Variants in HABP2 observed in about 807,000 individuals in gnomAD.
The protein encoded by HABP2 is factor VII-activating protease.
HABP2 carries 65 observed loss-of-function variants against 66.5 expected under a neutral mutation model. The ratio of observed to expected loss-of-function variants is 0.98; its 90% CI spans 0.80 to 1.20. The LOEUF (loss-of-function observed/expected upper bound fraction) is 1.20, where lower values mean the gene tolerates loss of function less well. Ranked by LOEUF, HABP2 falls within the 50% of genes most tolerant of loss-of-function variation. The pLI is 0.00. For synonymous variants in HABP2, 263 were observed against 253.9 expected (o/e 1.04, Z -0.34); for missense variants, 786 against 691.0 (o/e 1.14, Z -1.54).
chr10:113,578,258 C>A, intron 6 of HABP2, 113 bp downstream of exon 6: 1 of 1,146,264 alleles, frequency 8.7e-7, no homozygotes, highest in Non-Finnish European at 1.3e-6. Context: ...TCGACTATTG[C>A]CTCAGCCTTC....
At chr10:113,563,028 T>C (rs893784854) in intron 1 of HABP2, among the ~76,000 whole-genome samples, 2 of 152,138 alleles carry the variant, frequency 1.3e-5, no homozygotes, top group African/African-American at 4.8e-5. Flanking sequence ...ACCTCTAAAT[T>C]GGATATAATC....
At chr10:113,575,796 C>G in intron 3 of HABP2, 101 bp from the exon 4 acceptor site, 1 of 700,528 alleles carries the variant, frequency 1.4e-6, no homozygotes, top group Non-Finnish European at 2.6e-6. Context: ...TAGTTACTCT[C>G]TCATTTGGGG....
chr10:113,570,042 G>A (rs898589655), intron 2 of HABP2: 1 of 152,232 alleles, frequency 6.6e-6, no homozygotes, highest in African/African-American at 2.4e-5. Flanking sequence ...ATGTGCTTAA[G>A]AAGGTTTCCC....
Position 113,574,069 on chromosome 10 carries a change from A to G in HABP2, c.107-220A>G, listed in dbSNP as rs7897068. ...AATCAGGTGCTCATGACCCTGCTAAATGTCAACACTACCTTGCCGGGTCAT... is the reference window on the plus strand; with the variant it reads ...AATCAGGTGCTCATGACCCTGCTAAGTGTCAACACTACCTTGCCGGGTCAT... On this transcript the variant is annotated intron_variant, in intron 2 of 12. Coordinates refer to ENST00000351270, the MANE Select transcript of HABP2 (RefSeq NM_004132.5). Among the ~76,000 whole-genome samples the G allele has an allele frequency of 3.7e-3, 568 of 152,244 alleles. 1 individual carries two copies. Among genetic ancestry groups the G allele is most frequent in the African/African-American group, 0.012 (518 of 41,552 alleles).
rs1037086712 is a variant in HABP2 at position 113,566,945 on chromosome 10, C to T, written c.70-544C>T. Among the ~76,000 whole-genome samples, 5 of 152,086 alleles carry T rather than the reference C, an allele frequency of 3.3e-5. No homozygotes were observed. The South Asian group carries it at 6.2e-4, about 19-fold the overall frequency. Reference sequence around the variant, plus strand: ...TGTTTGCATTTTATTCTAAGAACAACGAGAAGCCACTGAAGGGTTTTAAGC... The same window carrying T: ...TGTTTGCATTTTATTCTAAGAACAATGAGAAGCCACTGAAGGGTTTTAAGC... On this transcript the variant is annotated intron_variant, in intron 1 of 12. Coordinates refer to ENST00000351270, the MANE Select transcript of HABP2 (RefSeq NM_004132.5).
At chr10:113,576,045 A>C (rs753563651) in intron 4 of HABP2, 41 bp downstream of exon 4, 2 of 1,052,136 alleles carry the variant, frequency 1.9e-6, no homozygotes, top group South Asian at 2.6e-5. Flanking sequence ...CTCTGAGTTA[A>C]ACAAGAGGCA....
At chr10:113,568,072 C>T (rs561677078) in intron 2 of HABP2, among the ~76,000 whole-genome samples, 2 of 152,364 alleles carry the variant, frequency 1.3e-5, no homozygotes, top group South Asian at 4.1e-4. Flanking sequence ...TTCACAAGGG[C>T]TCTCTGTCTC....
chr10:113,578,734 G>A lies in HABP2; in HGVS notation c.676G>A (p.Glu226Lys). Reference sequence around the variant, plus strand: ...CTGGAACTCCCACCTCCTCTTGCAGGAGAATTACAACATGTTTATGGAGGA... The same window carrying A: ...CTGGAACTCCCACCTCCTCTTGCAGAAGAATTACAACATGTTTATGGAGGA... ...LYWNSHLLLQ[E>K]NYNMFMEDAE... Residue 226 changes from glutamate (E) to lysine (K), a missense_variant, in exon 7 of 13, where the codon GAG becomes AAG. By Grantham distance (56) the Glu-to-Lys change is moderately conservative. Transcript: ENST00000351270. 1 of 1,611,826 alleles carries A rather than the reference G, an allele frequency of 6.2e-7. No homozygotes were observed. Among genetic ancestry groups the A allele is most frequent in the Non-Finnish European group, 8.5e-7 (1 of 1,177,944 alleles).
intron 1 of HABP2, among the ~76,000 whole-genome samples, chr10:113,555,033 G>A (rs543688884): frequency 6.6e-4 from 100 of 152,322 alleles, no homozygotes; most frequent in African/African-American, 2.0e-3. Context: ...GCTTTGGAGA[G>A]TTTGGGGCGT....
chr10:113,565,982 A>G (rs1166070950), intron 1 of HABP2, among the ~76,000 whole-genome samples: 1 of 152,248 alleles, frequency 6.6e-6, no homozygotes, highest in Non-Finnish European at 1.5e-5. Context: ...ACATCATATC[A>G]GGATGCATTA....
chr10:113,558,943 C>T (rs1379052029), intron 1 of HABP2, among the ~76,000 whole-genome samples: 1 of 152,170 alleles, frequency 6.6e-6, no homozygotes, highest in Non-Finnish European at 1.5e-5. Flanking sequence ...CAACCTCTGC[C>T]TGCCAGGTTA....
intron 7 of HABP2, among the ~76,000 whole-genome samples, chr10:113,579,255 GAA>G: frequency 7.5e-6 from 1 of 133,446 alleles, no homozygotes; most frequent in Admixed American, 7.5e-5. Flanking sequence ...CTCAAAAAAA[GAA>G]AAAAAAAAAA....
At chr10:113,565,550 C>G (rs6585233) in intron 1 of HABP2, among the ~76,000 whole-genome samples, 18,151 of 152,208 alleles carry the variant, frequency 0.12, 1,290 homozygotes, top group African/African-American at 0.2. Context: ...TAGAGTGAAA[C>G]CTTGCTTACC....
intron 9 of HABP2, among the ~76,000 whole-genome samples, chr10:113,582,827 G>A (rs1194487152): frequency 6.6e-6 from 1 of 152,206 alleles, no homozygotes; most frequent in African/African-American, 2.4e-5. Flanking sequence ...TGGCCATGAA[G>A]GTCTTCCAGT....
intron 12 of HABP2, among the ~76,000 whole-genome samples, chr10:113,586,546 A>G (rs376313931): frequency 1.3e-5 from 2 of 151,078 alleles, no homozygotes; most frequent in African/African-American, 4.9e-5. Context: ...CAGAACTCCA[A>G]GTTGCTGAGG....
chr10:113,564,413 C>A lies in HABP2; in HGVS notation c.70-3076C>A, dbSNP rs558122689. 2.6e-5 allele frequency among the ~76,000 whole-genome samples: 4 copies of A among 152,198 alleles called. No individual in the cohort carries two copies. The South Asian group carries it at 6.2e-4, about 24-fold the overall frequency. ...GGTACCCATTTCTGGCAATCCTTCACCCTAAGCCCAGGAGCACCCCTAAGG... is the reference window on the plus strand; with the variant it reads ...GGTACCCATTTCTGGCAATCCTTCAACCTAAGCCCAGGAGCACCCCTAAGG... On this transcript the variant is annotated intron_variant, in intron 1 of 12. Coordinates refer to ENST00000351270, the MANE Select transcript of HABP2 (RefSeq NM_004132.5).
At chr10:113,562,484 A>C (rs1592684352) in intron 1 of HABP2, among the ~76,000 whole-genome samples, 2 of 127,644 alleles carry the variant, frequency 1.6e-5, no homozygotes, top group African/African-American at 3.1e-5. Flanking sequence ...TCATTCTTTC[A>C]CCCAAGCTGG....
At chr10:113,557,575 C>A (rs535382705) in intron 1 of HABP2, among the ~76,000 whole-genome samples, 1 of 152,182 alleles carries the variant, frequency 6.6e-6, no homozygotes, top group Admixed American at 6.5e-5. Flanking sequence ...GACTTGGCAA[C>A]GATCCCAGGA....
Position 113,588,205 on chromosome 10 carries a change from G to C in HABP2, c.1519G>C (p.Gly507Arg). The change falls in exon 13 of 13, where the codon GGT (glycine) becomes CGT (arginine). Residue 507 changes from glycine to arginine, a missense_variant and splice_region_variant. Coordinates refer to ENST00000351270, the MANE Select transcript of HABP2 (RefSeq NM_004132.5). ...GAGCTTATGCCTCTGTTTCCCTTAG[G>C]GTGACTCTGGAGGCCCCCTGACCTG... ...LQKPGQDTCQ[G>R]DSGGPLTCEK... The C allele has an allele frequency of 6.2e-7, 1 of 1,600,526 alleles. No individual in the cohort carries two copies. The highest frequency in any genetic ancestry group is 8.5e-7 in the Non-Finnish European group (1 of 1,174,286).
Sources: gnomAD v4.1 joint callset for allele counts (sites outside exome capture counted in the v4.1 genomes callset) on GRCh38, gnomAD v4.1.1 for gene constraint, MANE v1.5 for transcripts, NCBI Gene and HGNC (gene_info 2026-07-23, HGNC 2026-07-21) for gene names.